EFNA5: variants seen among roughly 807,000 people sequenced by gnomAD.
EFNA5 encodes the protein ephrin-A5.
A neutral mutation model predicts 22.9 loss-of-function variants in EFNA5; 5 were observed. The ratio of observed to expected loss-of-function variants is 0.22; its 90% confidence interval spans 0.11 to 0.46. EFNA5 has a LOEUF of 0.46. Among genes scored for constraint, EFNA5 ranks in the 20% least tolerant of loss-of-function variants. The pLI is 0.99. For missense variants in EFNA5, 237 were observed against 293.3 expected, an observed-to-expected ratio of 0.81 and a Z score of 1.40; for synonymous variants, 113 against 112.2, an observed-to-expected ratio of 1.01 and a Z score of -0.04.
intron 1 of EFNA5, among the ~76,000 whole-genome samples, chr5:107,428,006 G>A (rs3873123): frequency 6.6e-6 from 1 of 152,046 alleles, no homozygotes; most frequent in African/African-American, 2.4e-5. Flanking sequence ...CTATGCAAAT[G>A]AGAATTACAG....
intron 1 of EFNA5, among the ~76,000 whole-genome samples, chr5:107,531,439 TA>T (rs965170897): frequency 1.8e-4 from 28 of 152,152 alleles, no homozygotes; most frequent in Admixed American, 1.1e-3. Context: ...GAGGAATGCC[TA>T]AAAAAACTGG....
chr5:107,552,938 AGTTTTAGGG>A lies in EFNA5; in HGVS notation c.125+117542_125+117550del, dbSNP rs1748330370. On this transcript the variant is annotated intron_variant, in intron 1 of 4. Coordinates refer to ENST00000333274, the MANE Select transcript of EFNA5 (RefSeq NM_001962.3). ...CAATAGTAATTTACCTGTGAGGGTT[AGTTTTAGGG>A]GTAAACAAGACAATATGAGGGCACT... 2.0e-5 allele frequency among the ~76,000 whole-genome samples: 3 copies of A among 152,362 alleles called. 1 individual carries two copies. The highest frequency in any genetic ancestry group is 7.2e-5 in the African/African-American group (3 of 41,592).
chr5:107,399,002 G>A (rs1482576685), intron 2 of EFNA5, among the ~76,000 whole-genome samples: 2 of 152,082 alleles, frequency 1.3e-5, no homozygotes, highest in Admixed American at 6.6e-5. Flanking sequence ...GTCCTTGTCC[G>A]AGAACTAGAA....
intron 1 of EFNA5, among the ~76,000 whole-genome samples, chr5:107,573,536 T>A (rs1204863550): frequency 6.6e-6 from 1 of 151,962 alleles, no homozygotes; most frequent in East Asian, 1.9e-4. Flanking sequence ...TTGTAGTCAT[T>A]CTTTTATTTA....
At chr5:107,384,385 G>T (rs1218950130) in intron 4 of EFNA5, among the ~76,000 whole-genome samples, 1 of 152,158 alleles carries the variant, frequency 6.6e-6, no homozygotes, top group Non-Finnish European at 1.5e-5. Context: ...AGATCATCCT[G>T]CATCCCTGAT....
At chr5:107,385,855 A>C (rs1747600853) in intron 4 of EFNA5, among the ~76,000 whole-genome samples, 1 of 152,138 alleles carries the variant, frequency 6.6e-6, no homozygotes. Context: ...TTTCTAAAGC[A>C]GCTAACTGAT....
intron 1 of EFNA5, among the ~76,000 whole-genome samples, chr5:107,539,857 G>A (rs1236002710): frequency 1.3e-5 from 2 of 152,200 alleles, no homozygotes; most frequent in Non-Finnish European, 2.9e-5. Context: ...GAAAGTAGGA[G>A]AGGGAAATCA....
Position 107,427,210 on chromosome 5 carries a change from T to C in EFNA5, c.418+7A>G. ...CCCTACAACACGATAAATCTCTATA[T>C]ACTCACAGATGTAGAAATATTCTCG... On this transcript the variant is annotated splice_region_variant and intron_variant, in intron 2 of 4. Coordinates refer to ENST00000333274, the MANE Select transcript of EFNA5 (RefSeq NM_001962.3). 1.2e-6 allele frequency: 2 copies of C among 1,614,040 alleles called. No homozygotes were observed. Among genetic ancestry groups the C allele is most frequent in the South Asian group, 1.1e-5 (1 of 91,086 alleles).
At chr5:107,442,913 A>G (rs916283929) in intron 1 of EFNA5, among the ~76,000 whole-genome samples, 1 of 147,022 alleles carries the variant, frequency 6.8e-6, no homozygotes, top group Non-Finnish European at 1.5e-5. Flanking sequence ...CCGAGGAGCG[A>G]AAGTTCCCCA....
intron 4 of EFNA5, among the ~76,000 whole-genome samples, chr5:107,381,639 C>A (rs561140740): frequency 1.2e-4 from 18 of 152,214 alleles, no homozygotes; most frequent in African/African-American, 3.4e-4. Context: ...AACCTTTGGC[C>A]TGTGAGCTGC....
At chr5:107,650,946 G>A (rs1278074254) in intron 1 of EFNA5, among the ~76,000 whole-genome samples, 1 of 152,202 alleles carries the variant, frequency 6.6e-6, no homozygotes, top group East Asian at 1.9e-4. Flanking sequence ...CTAGTTATTT[G>A]TAGTGGATGC....
rs10079447 is a variant in EFNA5, at chr5:107,379,037, T to A, written c.*2218A>T. ...TGCATATGACTGAGAGTACTGCATATATAAATAGCTAAAGGAAAAAGGAAT... is the reference window on the plus strand; with the variant it reads ...TGCATATGACTGAGAGTACTGCATAAATAAATAGCTAAAGGAAAAAGGAAT... On this transcript the variant is annotated 3_prime_UTR_variant, in exon 5 of 5. Coordinates refer to ENST00000333274, the MANE Select transcript of EFNA5 (RefSeq NM_001962.3). 2.6e-5 allele frequency: 4 copies of A among 151,940 alleles called. No homozygotes were observed. Among genetic ancestry groups the A allele is most frequent in the Non-Finnish European group, 4.4e-5 (3 of 67,988 alleles). The allele number at this position is 151,940 out of a possible 1,614,324, so 9.4% of individuals were successfully genotyped here.
chr5:107,427,043 C>T, intron 2 of EFNA5, 174 bp downstream of exon 2: 1 of 682,772 alleles, frequency 1.5e-6, no homozygotes, highest in Non-Finnish European at 2.5e-6. Context: ...TGTCTTTAAT[C>T]TAATTTGTGC....
chr5:107,525,706 G>C (rs1441715350), intron 1 of EFNA5, among the ~76,000 whole-genome samples: 1 of 152,122 alleles, frequency 6.6e-6, no homozygotes, highest in Non-Finnish European at 1.5e-5. Context: ...TGATGAGTAG[G>C]CTGAGGAGAA....
intron 1 of EFNA5, among the ~76,000 whole-genome samples, chr5:107,433,629 C>T (rs1002820124): frequency 2.0e-5 from 3 of 152,182 alleles, no homozygotes; most frequent in Non-Finnish European, 4.4e-5. Context: ...AGCATGGTGG[C>T]TGATGCCTGT....
chr5:107,557,874 C>T (rs1748457292), intron 1 of EFNA5, among the ~76,000 whole-genome samples: 1 of 152,130 alleles, frequency 6.6e-6, no homozygotes, highest in African/African-American at 2.4e-5. Flanking sequence ...TGGAGCGGTT[C>T]ACAGCATACA....
chr5:107,651,576 T>G (rs866633860), intron 1 of EFNA5, among the ~76,000 whole-genome samples: 1 of 151,574 alleles, frequency 6.6e-6, no homozygotes, highest in South Asian at 2.1e-4. Flanking sequence ...TCTCTCCAAC[T>G]ACAACTTGAT....
chr5:107,668,657 T>C (rs970987421), intron 1 of EFNA5, among the ~76,000 whole-genome samples: 2 of 152,000 alleles, frequency 1.3e-5, no homozygotes, highest in Non-Finnish European at 2.9e-5. Flanking sequence ...AAGAAACTAT[T>C]TCAGTGTTGC....
chr5:107,670,550 C>A lies in EFNA5; in HGVS notation c.64G>T (p.Asp22Tyr). The A allele has an allele frequency of 1.3e-6, 2 of 1,595,816 alleles. No homozygotes were observed. Among genetic ancestry groups the A allele is most frequent in the South Asian group, 2.3e-5 (2 of 87,752 alleles). The change falls in exon 1 of 5, where the codon GAC becomes TAC. Residue 22 changes from aspartate to tyrosine, a missense_variant. Physicochemically the swap from Asp to Tyr is radical, Grantham distance 160. Coordinates refer to ENST00000333274, the MANE Select transcript of EFNA5 (RefSeq NM_001962.3). ...LVLWMCVFSQDPGSKAVADRY... is the reference protein window; with the variant it reads ...LVLWMCVFSQYPGSKAVADRY... ...TCGGCGACGGCCTTGGAGCCCGGGT[C>A]CTGGCTGAACACACACATCCAGAGC...
Sources: gnomAD v4.1 joint callset for allele counts (sites outside exome capture counted in the v4.1 genomes callset) on GRCh38, gnomAD v4.1.1 for gene constraint, MANE v1.5 for transcripts, NCBI Gene and HGNC (gene_info 2026-07-23, HGNC 2026-07-21) for gene names.